Variants in PAM observed in about 807,000 individuals in gnomAD.
The protein encoded by PAM is peptidylglycine alpha-amidating monooxygenase.
In PAM, 72 loss-of-function variants were observed where a neutral mutation model predicts 122.1. That is an observed-to-expected ratio of 0.59 (90% CI 0.49 to 0.72). The LOEUF (loss-of-function observed/expected upper bound fraction) is 0.72, where lower values mean the gene tolerates loss of function less well. Among genes scored for constraint, PAM ranks in the 30% least tolerant of loss-of-function variants. The pLI, the probability that PAM is intolerant of heterozygous loss-of-function variation, is 0.00. For missense variants in PAM, 1,106 were observed against 1,183.7 expected, an observed-to-expected ratio of 0.93 and a Z score of 0.96; for synonymous variants, 389 against 404.4, an observed-to-expected ratio of 0.96 and a Z score of 0.46.
At chr5:102,856,197 A>G (rs1458085213) in intron 1 of PAM, among the ~76,000 whole-genome samples, 1 of 152,140 alleles carries the variant, frequency 6.6e-6, no homozygotes, top group African/African-American at 2.4e-5. Flanking sequence ...GTTGTCCACC[A>G]AATAGCTCTG....
At chr5:102,895,708 G>A (rs1014940082) in intron 3 of PAM, among the ~76,000 whole-genome samples, 3 of 151,698 alleles carry the variant, frequency 2.0e-5, no homozygotes, top group Non-Finnish European at 4.4e-5. Flanking sequence ...CTCCTATGAA[G>A]CTGTATTGTC....
chr5:102,906,151 C>T (rs1462704178), intron 4 of PAM, among the ~76,000 whole-genome samples: 2 of 151,684 alleles, frequency 1.3e-5, no homozygotes, highest in East Asian at 3.9e-4. Flanking sequence ...TAATAAAAAA[C>T]AGTGAGAGAT....
At chr5:102,829,550 A>G (rs1385378621) in intron 1 of PAM, among the ~76,000 whole-genome samples, 4 of 151,834 alleles carry the variant, frequency 2.6e-5, no homozygotes, top group Admixed American at 1.3e-4. Flanking sequence ...TTTGTTTTGT[A>G]TTTTTAGTAG....
chr5:102,786,291 A>T (rs1760514038), intron 1 of PAM, among the ~76,000 whole-genome samples: 1 of 152,196 alleles, frequency 6.6e-6, no homozygotes, highest in South Asian at 2.1e-4. Flanking sequence ...GAGCGTCTTC[A>T]TTTCCTAATA....
At chr5:102,962,133 A>G (rs1762690675) in intron 14 of PAM, among the ~76,000 whole-genome samples, 1 of 151,864 alleles carries the variant, frequency 6.6e-6, no homozygotes, top group South Asian at 2.1e-4. Context: ...TTGTATGAAT[A>G]GTTTTTACAA....
At position 102,934,107 on chromosome 5, in the gene PAM, C is replaced by T. The variant is rs374771899; in HGVS notation, c.526+7439C>T. 2.6e-4 allele frequency among the ~76,000 whole-genome samples: 40 copies of T among 152,232 alleles called. No homozygotes were observed. The East Asian group carries it at 6.4e-3, about 24-fold the overall frequency. On this transcript the variant is annotated intron_variant, in intron 7 of 25. Transcript: ENST00000438793. ...TAAGCCTATGTATTTTAGAGTATTT[C>T]GGAATACTTTCCATATTTAAGAATC...
intron 16 of PAM, among the ~76,000 whole-genome samples, chr5:103,001,675 G>T (rs1461067084): frequency 6.6e-6 from 1 of 151,968 alleles, no homozygotes; most frequent in Non-Finnish European, 1.5e-5. Flanking sequence ...AGATAATTGT[G>T]TGGTGTATTT....
chr5:103,013,969 C>A (rs1461112514), intron 21 of PAM, among the ~76,000 whole-genome samples: 1 of 152,078 alleles, frequency 6.6e-6, no homozygotes, highest in African/African-American at 2.4e-5. Flanking sequence ...AGCATAGCAA[C>A]CCTGCAGAAA....
intron 7 of PAM, among the ~76,000 whole-genome samples, chr5:102,944,002 G>T (rs1002474633): frequency 1.1e-4 from 17 of 152,056 alleles, no homozygotes; most frequent in African/African-American, 4.1e-4. Context: ...CCAACAACCA[G>T]CACTACAATA....
At chr5:103,007,192 TACACACACAC>T (rs56140031) in intron 19 of PAM, among the ~76,000 whole-genome samples, 181 bp downstream of exon 19, 4 of 141,470 alleles carry the variant, frequency 2.8e-5, no homozygotes, top group Non-Finnish European at 3.1e-5. Context: ...CACATATACA[TACACACACAC>T]ACACACACAC....
chr5:102,882,054 T>A (rs1269699174), intron 3 of PAM, among the ~76,000 whole-genome samples: 20 of 1,644 alleles, frequency 0.012, no homozygotes, highest in East Asian at 0.087. Context: ...CATCGTGGAA[T>A]ATATATATAT....
At chr5:102,870,986 G>A (rs547014447) in intron 3 of PAM, among the ~76,000 whole-genome samples, 2 of 152,308 alleles carry the variant, frequency 1.3e-5, no homozygotes, top group Non-Finnish European at 2.9e-5. Flanking sequence ...ATATCAATTT[G>A]ACATGTTAAC....
chr5:103,007,101 T>A, intron 19 of PAM, 90 bp downstream of exon 19: 2 of 967,676 alleles, frequency 2.1e-6, no homozygotes, highest in Non-Finnish European at 3.1e-6. Context: ...TTCTTTAAGC[T>A]GTAATTGTCC....
intron 3 of PAM, among the ~76,000 whole-genome samples, chr5:102,875,411 A>G (rs1788840979): frequency 6.6e-6 from 1 of 151,972 alleles, no homozygotes. Flanking sequence ...CCAGGCTGGT[A>G]TCAAACTCCT....
intron 15 of PAM, among the ~76,000 whole-genome samples, chr5:102,987,925 C>T (rs938503623): frequency 6.6e-6 from 1 of 152,148 alleles, no homozygotes; most frequent in Non-Finnish European, 1.5e-5. Flanking sequence ...ATTTCTAAAG[C>T]AAATTATTCC....
At chr5:102,959,826 T>G in intron 12 of PAM, 49 bp from the exon 13 acceptor site, 3 of 1,260,482 alleles carry the variant, frequency 2.4e-6, no homozygotes, top group Non-Finnish European at 3.5e-6. Context: ...GCATTAAGCA[T>G]GTGTTTTATG....
intron 4 of PAM, among the ~76,000 whole-genome samples, chr5:102,905,719 T>C (rs1362193868): frequency 1.3e-5 from 2 of 151,672 alleles, no homozygotes; most frequent in African/African-American, 2.4e-5. Context: ...TGTGTGTACA[T>C]GTGTGTGAGT....
chr5:102,818,609 C>T (rs1024979649), intron 1 of PAM, among the ~76,000 whole-genome samples: 3 of 152,080 alleles, frequency 2.0e-5, no homozygotes, highest in African/African-American at 7.2e-5. Flanking sequence ...CCAGTATGCC[C>T]TTCCCTCTGC....
chr5:102,767,418 C>A (rs1754441733), intron 1 of PAM, among the ~76,000 whole-genome samples: 1 of 152,082 alleles, frequency 6.6e-6, no homozygotes, highest in Non-Finnish European at 1.5e-5. Flanking sequence ...GTTAGGACAG[C>A]CTTTGCTTGA....
Sources: allele counts gnomAD v4.1 joint callset (sites outside exome capture counted in the v4.1 genomes callset), GRCh38; gene constraint gnomAD v4.1.1; transcripts MANE v1.5; gene names NCBI Gene and HGNC (gene_info 2026-07-23, HGNC 2026-07-21).